NXPE2: variants seen among roughly 807,000 people sequenced by gnomAD.
NXPE2 encodes the protein neurexophilin and PC-esterase domain family member 2, also known as NXPE family member 2.
NXPE2 carries 34 observed loss-of-function variants against 34.4 expected under a neutral mutation model. The observed-to-expected ratio is 0.99, with a 90% confidence interval of 0.75 to 1.31. The LOEUF is 1.31. NXPE2 is among the 40% of genes most tolerant of loss of function. The pLI is 0.00. For synonymous variants in NXPE2, 235 were observed against 231.3 expected, an observed-to-expected ratio of 1.02 and a Z score of -0.15; for missense variants, 649 against 672.5, an observed-to-expected ratio of 0.97 and a Z score of 0.39.
the NXPE2 span, among the ~76,000 whole-genome samples, chr11:114,654,077 G>C: frequency 3.9e-5 from 6 of 152,232 alleles, no homozygotes; most frequent in African/African-American, 1.2e-4. Context: ...AAGTGGTGAA[G>C]GTATGTACAA....
the NXPE2 span, among the ~76,000 whole-genome samples, chr11:114,502,807 C>G: frequency 4.6e-5 from 7 of 152,090 alleles, no homozygotes; most frequent in Non-Finnish European, 1.0e-4. Flanking sequence ...CTATGAAAAA[C>G]CTGTGTGGTT....
the NXPE2 span, among the ~76,000 whole-genome samples, chr11:114,802,890 T>TAAAAA: frequency 8.2e-6 from 1 of 121,818 alleles, no homozygotes; most frequent in South Asian, 2.7e-4. Context: ...GTCATGGAAA[T>TAAAAA]AAAAAAGATA....
upstream of NXPE2, among the ~76,000 whole-genome samples, chr11:114,677,816 A>G (rs1047817195): frequency 6.6e-6 from 1 of 152,090 alleles, no homozygotes; most frequent in Admixed American, 6.6e-5. Context: ...AGACACTCTC[A>G]TGCAGAGCAA....
At chr11:114,671,666 A>C in the NXPE2 span, among the ~76,000 whole-genome samples, 1 of 152,172 alleles carries the variant, frequency 6.6e-6, no homozygotes, top group African/African-American at 2.4e-5. Context: ...AAATAGAATA[A>C]GCCTGTCAAC....
At chr11:114,580,385 C>CAAATAATACATA in the NXPE2 span, 4 of 1,536,154 alleles carry the variant, frequency 2.6e-6, no homozygotes, top group Admixed American at 3.3e-5. Flanking sequence ...ATCAAATTAC[C>CAAATAATACATA]CGTCAGTATG....
chr11:114,808,169 G>A, the NXPE2 span, among the ~76,000 whole-genome samples: 2 of 152,140 alleles, frequency 1.3e-5, no homozygotes, highest in East Asian at 3.9e-4. Context: ...CAACATACCA[G>A]AATCTCTGGG....
chr11:114,485,361 A>G, the NXPE2 span, among the ~76,000 whole-genome samples: 3 of 143,232 alleles, frequency 2.1e-5, no homozygotes, highest in Non-Finnish European at 4.5e-5. Context: ...GGTGCCTACC[A>G]TCACGCCTGG....
intron 2 of NXPE2, among the ~76,000 whole-genome samples, chr11:114,684,426 C>CA (rs1335301144): frequency 3.4e-5 from 5 of 148,312 alleles, no homozygotes; most frequent in East Asian, 2.0e-4. Context: ...GACTCCATCT[C>CA]AAAAAAAAGA....
At chr11:114,631,628 C>G in the NXPE2 span, among the ~76,000 whole-genome samples, 7 of 151,856 alleles carry the variant, frequency 4.6e-5, no homozygotes, top group African/African-American at 1.7e-4. Context: ...ACATATGTAA[C>G]TAAACTGCAC....
the NXPE2 span, among the ~76,000 whole-genome samples, chr11:114,740,872 G>T: frequency 6.6e-6 from 1 of 152,226 alleles, no homozygotes; most frequent in African/African-American, 2.4e-5. Context: ...TATGTATGTA[G>T]AATTATAATA....
chr11:114,573,187 C>A, the NXPE2 span, among the ~76,000 whole-genome samples: 4 of 152,088 alleles, frequency 2.6e-5, no homozygotes, highest in Non-Finnish European at 1.5e-5. Flanking sequence ...GCAAGCACTA[C>A]AATAACTACT....
chr11:114,641,970 T>C, the NXPE2 span, among the ~76,000 whole-genome samples: 2 of 152,166 alleles, frequency 1.3e-5, no homozygotes, highest in African/African-American at 4.8e-5. Flanking sequence ...TTGTGGTATA[T>C]AACAACACAA....
the NXPE2 span, among the ~76,000 whole-genome samples, chr11:114,590,300 C>A: frequency 6.6e-6 from 1 of 152,160 alleles, no homozygotes; most frequent in East Asian, 1.9e-4. Context: ...CCCAGCTTTG[C>A]AAAACCTTGG....
the NXPE2 span, among the ~76,000 whole-genome samples, chr11:114,783,919 A>G: frequency 6.6e-6 from 1 of 152,298 alleles, no homozygotes; most frequent in African/African-American, 2.4e-5. Flanking sequence ...TGGGTTTTAG[A>G]CTAAACTTTA....
intron 3 of NXPE2, among the ~76,000 whole-genome samples, chr11:114,700,798 T>C (rs1019108261): frequency 1.3e-5 from 2 of 152,190 alleles, no homozygotes; most frequent in Non-Finnish European, 2.9e-5. Flanking sequence ...ATACAGCATT[T>C]CCCAAATTTA....
chr11:114,710,716 A>G (rs1246037206), downstream of NXPE2, among the ~76,000 whole-genome samples: 1 of 152,194 alleles, frequency 6.6e-6, no homozygotes, highest in Non-Finnish European at 1.5e-5. Context: ...CTCCCAAAGA[A>G]TAAGAGGAAG....
chr11:114,572,801 C>T, the NXPE2 span, among the ~76,000 whole-genome samples: 8 of 152,064 alleles, frequency 5.3e-5, no homozygotes, highest in Admixed American at 2.0e-4. Context: ...AGGGACTAAT[C>T]GAAGAAAATT....
chr11:114,636,806 G>T, the NXPE2 span, among the ~76,000 whole-genome samples: 1 of 152,100 alleles, frequency 6.6e-6, no homozygotes, highest in Non-Finnish European at 1.5e-5. Context: ...GTTCTAGTTT[G>T]ATTGCACTGT....
chr11:114,766,284 T>C, the NXPE2 span, among the ~76,000 whole-genome samples: 12 of 152,142 alleles, frequency 7.9e-5, no homozygotes, highest in Non-Finnish European at 1.5e-4. Flanking sequence ...CAAGCTGCCC[T>C]TCCACCTGCT....
Sources: gnomAD v4.1 joint callset for allele counts (sites outside exome capture counted in the v4.1 genomes callset) on GRCh38, gnomAD v4.1.1 for gene constraint, MANE v1.5 for transcripts, NCBI Gene and HGNC (gene_info 2026-07-23, HGNC 2026-07-21) for gene names.